GLTPD2: variants seen among roughly 807,000 people sequenced by gnomAD.
GLTPD2 encodes glycolipid transfer protein domain containing 2, also known as glycolipid transfer protein domain-containing protein 2.
Under a neutral mutation model 12.9 loss-of-function variants are expected in GLTPD2, and 12 were observed. The ratio of observed to expected loss-of-function variants is 0.93; its 90% CI spans 0.59 to 1.50. GLTPD2 has a LOEUF of 1.50. Ranked by LOEUF, GLTPD2 falls within the 40% of genes most tolerant of loss-of-function variation. The pLI, the probability that GLTPD2 is intolerant of heterozygous loss-of-function variation, is 0.00. For synonymous variants in GLTPD2, 199 were observed against 205.6 expected (o/e 0.97, Z 0.27); for missense variants, 450 against 426.2 (o/e 1.06, Z -0.49).
Position 4,789,278 on chromosome 17 carries a change from G to C in GLTPD2, c.159G>C (p.Thr53=), listed in dbSNP as rs751406985. 1.9e-6 allele frequency: 3 copies of C among 1,589,818 alleles called. No homozygotes were observed. The highest frequency in any genetic ancestry group is 4.5e-5 in the East Asian group (2 of 44,270). ...PRAQPCVPGE[T]APFQVRQESG... ...CGCAGCCCTGCGTTCCAGGGGAAAC[G>C]GCGCCCTTCCAGGTACGCTAGGCGC... is the stretch of plus-strand genomic sequence containing the variant. Residue 53 remains threonine (T), a synonymous_variant, in exon 2 of 4, where the codon ACG becomes ACC. Coordinates refer to ENST00000331264, the MANE Select transcript of GLTPD2 (RefSeq NM_001014985.3).
chr17:4,789,361 G>A, intron 2 of GLTPD2, 71 bp downstream of exon 2: 2 of 1,523,916 alleles, frequency 1.3e-6, no homozygotes, highest in Non-Finnish European at 8.8e-7. Context: ...GAGCCAGGCT[G>A]AGGGTCCGGC....
rs1389338846 is a variant in GLTPD2 at position 4,789,026 on chromosome 17, G to T, written c.15G>T (p.Ala5=). Residue 5 remains alanine (A), a synonymous_variant, in exon 1 of 4, where the codon GCG becomes GCT. Transcript: ENST00000331264. MGVA[A]RPPALRHWFS... is the part of the protein sequence containing the mutation. ...CAGCAGCAGGCATGGGAGTGGCGGCGCGGCCCCCAGCCCTGCGGCACTGGT... is the reference window on the plus strand; with the variant it reads ...CAGCAGCAGGCATGGGAGTGGCGGCTCGGCCCCCAGCCCTGCGGCACTGGT... 17 of 1,611,990 alleles carry T rather than the reference G, an allele frequency of 1.1e-5. No individual in the cohort carries two copies. Among genetic ancestry groups the T allele is most frequent in the Non-Finnish European group, 1.4e-5 (16 of 1,179,558 alleles).
chr17:4,789,856 G>C lies in GLTPD2; in HGVS notation c.436G>C (p.Glu146Gln). 1 of 1,600,924 alleles carries C rather than the reference G, an allele frequency of 6.2e-7. No homozygotes were observed. The highest frequency in any genetic ancestry group is 8.5e-7 in the Non-Finnish European group (1 of 1,174,450). ...GGCTCGGGTGCACGGCCCGGACGCG[G>C]AGCACTACTGGTCGCTGGTGGCCAT... The part of the protein sequence containing the change: ...LEARVHGPDA[E>Q]HYWSLVAMAA... The change falls in exon 4 of 4, where the codon GAG (glutamate) becomes CAG (glutamine). Residue 146 changes from glutamate to glutamine, a missense_variant. Physicochemically the swap from Glu to Gln is conservative, Grantham distance 29. Coordinates refer to ENST00000331264, the MANE Select transcript of GLTPD2 (RefSeq NM_001014985.3).
rs2150655921 is a variant in GLTPD2, at chr17:4,790,467, G to A, written c.*171G>A. 4.3e-6 allele frequency: 2 copies of A among 466,424 alleles called. No individual in the cohort carries two copies. Among genetic ancestry groups the A allele is most frequent in the East Asian group, 3.7e-5 (1 of 26,802 alleles). The allele number at this position is 466,424 out of a possible 1,614,324, so 28.9% of individuals were successfully genotyped here. A position where few individuals can be genotyped will look rare whatever the true frequency, so the allele number is the denominator to read the frequency against. On this transcript the variant is annotated 3_prime_UTR_variant, in exon 4 of 4. Coordinates refer to ENST00000331264, the MANE Select transcript of GLTPD2 (RefSeq NM_001014985.3). ...CAGGGAATGGCGTTGAGCTCCCTCT[G>A]TCCGCAGTCTCGGAAAGACGGGAGG...
In GLTPD2 at chr17:4,789,111, A is replaced by G. The variant is rs745777123; in HGVS notation, c.100A>G (p.Ser34Gly). 1.9e-6 allele frequency: 3 copies of G among 1,613,574 alleles called. No individual in the cohort carries two copies. Among genetic ancestry groups the G allele is most frequent in the African/African-American group, 2.7e-5 (2 of 74,872 alleles). ...ALLLLYLSVR[S>G]LGARSGCGPR... ...GCTGCTGCTTTATCTCAGTGTTCGG[A>G]GCCTAGGTGAGCTGCCCCTTCCCTC... The change falls in exon 1 of 4, where the codon AGC becomes GGC. Residue 34 changes from serine (S) to glycine (G), a missense_variant. Coordinates refer to ENST00000331264, the MANE Select transcript of GLTPD2 (RefSeq NM_001014985.3).
At position 4,789,922 on chromosome 17, in the gene GLTPD2, G is replaced by A. The variant is rs1181343883; in HGVS notation, c.502G>A (p.Gly168Arg). The A allele has an allele frequency of 2.6e-6, 4 of 1,545,368 alleles. No individual in the cohort carries two copies. Among genetic ancestry groups the A allele is most frequent in the Admixed American group, 4.0e-5 (2 of 50,324 alleles). ...GAGGGCGGGACTGCTGGAGCAGCCG[G>A]GGGCGGCCCCCCGGGACCCGACCCG... ...ERRAGLLEQP[G>R]AAPRDPTRSS... Residue 168 changes from glycine (G) to arginine (R), a missense_variant, in exon 4 of 4, where the codon GGG (glycine) becomes AGG (arginine). Coordinates refer to ENST00000331264, the MANE Select transcript of GLTPD2 (RefSeq NM_001014985.3).
chr17:4,790,308 C>T lies in GLTPD2; in HGVS notation c.*12C>T. 6.9e-7 allele frequency: 1 copy of T among 1,453,672 alleles called. No individual in the cohort carries two copies. The allele number at this position is 1,453,672 out of a possible 1,614,324, so 90.0% of individuals were successfully genotyped here. A position where few individuals can be genotyped will look rare whatever the true frequency, so the allele number is the denominator to read the frequency against. ...TCCAGCTGGCCTAAGACGGCGGCTG[C>T]GGGGACCGGCGGGAACGGAGCGGAC... On this transcript the variant is annotated 3_prime_UTR_variant, in exon 4 of 4. Transcript: ENST00000331264.
rs1415207230 is a variant in GLTPD2, at chr17:4,789,310, G to A, written c.171+20G>A. On this transcript the variant is annotated intron_variant, in intron 2 of 3. Coordinates refer to ENST00000331264, the MANE Select transcript of GLTPD2 (RefSeq NM_001014985.3). ...TTCCAGGTACGCTAGGCGCAGGATT[G>A]GGCGCGGGCGCTCCAGGAGGGACCA... is the stretch of plus-strand genomic sequence containing the variant. 1 of 1,558,844 alleles carries A rather than the reference G, an allele frequency of 6.4e-7. No individual in the cohort carries two copies. The highest frequency in any genetic ancestry group is 8.7e-7 in the Non-Finnish European group (1 of 1,153,862).
At chr17:4,789,404 C>G in intron 2 of GLTPD2, 107 bp from the exon 3 acceptor site, 2 of 1,512,636 alleles carry the variant, frequency 1.3e-6, no homozygotes, top group Non-Finnish European at 1.8e-6. Flanking sequence ...CTACCCTCTC[C>G]CGTCGGAAGC....
Position 4,789,264 on chromosome 17 carries a change from G to T in GLTPD2, c.145G>T (p.Val49Phe), listed in dbSNP as rs2304969. Residue 49 changes from valine (V) to phenylalanine (F), a missense_variant, in exon 2 of 4, where the codon GTT becomes TTT. Coordinates refer to ENST00000331264, the MANE Select transcript of GLTPD2 (RefSeq NM_001014985.3). Reference protein sequence around the residue: ...SGCGPRAQPCVPGETAPFQVR... With the variant: ...SGCGPRAQPCFPGETAPFQVR... ...CTGCGGACCCAGGGCGCAGCCCTGC[G>T]TTCCAGGGGAAACGGCGCCCTTCCA... 282,741 of 1,593,670 alleles carry T rather than the reference G, an allele frequency of 0.18. 30,568 individuals carry two copies. Among genetic ancestry groups the T allele is most frequent in the East Asian group, 0.47 (20,697 of 44,358 alleles).
chr17:4,790,392 T>C lies in GLTPD2; in HGVS notation c.*96T>C. On this transcript the variant is annotated 3_prime_UTR_variant, in exon 4 of 4. Transcript: ENST00000331264. Reference sequence around the variant, plus strand: ...TCCTGCAGCCCGCGCCGCGGCCGCCTCCGTATCCCGCCTCTTCCGTGACGT... The same window carrying C: ...TCCTGCAGCCCGCGCCGCGGCCGCCCCCGTATCCCGCCTCTTCCGTGACGT... 6.8e-6 allele frequency: 7 copies of C among 1,032,094 alleles called. No homozygotes were observed. The highest frequency in any genetic ancestry group is 8.9e-6 in the Non-Finnish European group (7 of 789,062). The allele number at this position is 1,032,094 out of a possible 1,614,324, so 63.9% of individuals were successfully genotyped here. A position where few individuals can be genotyped will look rare whatever the true frequency, so the allele number is the denominator to read the frequency against.
chr17:4,790,082 C>A lies in GLTPD2; in HGVS notation c.662C>A (p.Ala221Asp), dbSNP rs1259115690. The change falls in exon 4 of 4, where the codon GCC becomes GAC. Residue 221 changes from alanine to aspartate, a missense_variant. Physicochemically the swap from Ala to Asp is moderately radical, Grantham distance 126 (BLOSUM62 -2). Coordinates refer to ENST00000331264, the MANE Select transcript of GLTPD2 (RefSeq NM_001014985.3). ...GVQCSDAYRA[A>D]LGPHHPWLVR... is the part of the protein sequence containing the mutation. Reference sequence around the variant, plus strand: ...CAGTGCAGCGACGCCTACCGTGCGGCCCTGGGTCCGCATCACCCCTGGCTG... The same window carrying A: ...CAGTGCAGCGACGCCTACCGTGCGGACCTGGGTCCGCATCACCCCTGGCTG... The A allele has an allele frequency of 1.4e-6, 2 of 1,408,828 alleles. No individual in the cohort carries two copies. The highest frequency in any genetic ancestry group is 9.2e-7 in the Non-Finnish European group (1 of 1,092,544). The allele number at this position is 1,408,828 out of a possible 1,614,324, so 87.3% of individuals were successfully genotyped here. A position where few individuals can be genotyped will look rare whatever the true frequency, so the allele number is the denominator to read the frequency against.
Position 4,790,229 on chromosome 17 carries a change from C to T in GLTPD2, c.809C>T (p.Thr270Ile). 6.7e-7 allele frequency: 1 copy of T among 1,487,154 alleles called. No homozygotes were observed. Among genetic ancestry groups the T allele is most frequent in the Non-Finnish European group, 8.9e-7 (1 of 1,126,436 alleles). 92.1% of individuals were successfully genotyped at this position (1,487,154 alleles called of 1,614,324 possible). A position where few individuals can be genotyped will look rare whatever the true frequency, so the allele number is the denominator to read the frequency against. The change falls in exon 4 of 4, where the codon ACC (threonine) becomes ATC (isoleucine). Residue 270 changes from threonine to isoleucine, a missense_variant. Thr to Ile is a moderately conservative substitution (Grantham distance 89, BLOSUM62 -1). Coordinates refer to ENST00000331264, the MANE Select transcript of GLTPD2 (RefSeq NM_001014985.3). Reference sequence around the variant, plus strand: ...GCCGCGCTGGTCCGGGCCGCCGGCACCTTGGAGGATGTCTACAACCGCACC... The same window carrying T: ...GCCGCGCTGGTCCGGGCCGCCGGCATCTTGGAGGATGTCTACAACCGCACC... Reference protein sequence around the residue: ...ARAALVRAAGTLEDVYNRTQS... With the variant: ...ARAALVRAAGILEDVYNRTQS...
In GLTPD2 at chr17:4,789,045, C is replaced by G. The variant is rs368905121; in HGVS notation, c.34C>G (p.His12Asp). The G allele has an allele frequency of 6.2e-7, 1 of 1,613,694 alleles. No homozygotes were observed. The highest frequency in any genetic ancestry group is 2.2e-5 in the East Asian group (1 of 44,878). Reference protein sequence around the residue: ...GVAARPPALRHWFSHSIPLAI... With the variant: ...GVAARPPALRDWFSHSIPLAI... The stretch of plus-strand genomic sequence containing the variant: ...GGCGGCGCGGCCCCCAGCCCTGCGG[C>G]ACTGGTTCAGCCACTCAATTCCTCT... Residue 12 changes from histidine to aspartate, a missense_variant, in exon 1 of 4, where the codon CAC becomes GAC. Physicochemically the swap from His to Asp is moderately conservative, Grantham distance 81 (BLOSUM62 -1). Transcript: ENST00000331264.
At position 4,788,990 on chromosome 17, in the gene GLTPD2, G is replaced by A. The variant is rs750512919; in HGVS notation, c.-22G>A. 1.2e-6 allele frequency: 2 copies of A among 1,602,100 alleles called. No individual in the cohort carries two copies. Among genetic ancestry groups the A allele is most frequent in the East Asian group, 2.2e-5 (1 of 44,716 alleles). The stretch of plus-strand genomic sequence containing the variant: ...CGGACTGGCTAGGCGCTGGTGAGGG[G>A]GCGGCGGTCCCAGCAGCAGGCATGG... On this transcript the variant is annotated 5_prime_UTR_variant, in exon 1 of 4. Coordinates refer to ENST00000331264, the MANE Select transcript of GLTPD2 (RefSeq NM_001014985.3).
In GLTPD2 at chr17:4,789,530, C is replaced by T. The variant is rs779137924; in HGVS notation, c.191C>T (p.Thr64Ile). 3.1e-6 allele frequency: 5 copies of T among 1,613,938 alleles called. No homozygotes were observed. The highest frequency in any genetic ancestry group is 4.2e-6 in the Non-Finnish European group (5 of 1,179,882). The part of the protein sequence containing the change: ...APFQVRQESG[T>I]LEAPERKQPP... ...CACCAGGTCCGGCAGGAGTCGGGAA[C>T]CCTGGAGGCCCCGGAGAGGAAACAG... is the stretch of plus-strand genomic sequence containing the variant. The change falls in exon 3 of 4, where the codon ACC becomes ATC. Residue 64 changes from threonine (T) to isoleucine (I), a missense_variant. Physicochemically the swap from Thr to Ile is moderately conservative, Grantham distance 89 (BLOSUM62 -1). Coordinates refer to ENST00000331264, the MANE Select transcript of GLTPD2 (RefSeq NM_001014985.3).
Position 4,789,527 on chromosome 17 carries a change from G to A in GLTPD2, c.188G>A (p.Gly63Glu). ...TAPFQVRQES[G>E]TLEAPERKQP... The stretch of plus-strand genomic sequence containing the variant: ...CCCCACCAGGTCCGGCAGGAGTCGG[G>A]AACCCTGGAGGCCCCGGAGAGGAAA... The change falls in exon 3 of 4, where the codon GGA becomes GAA. Residue 63 changes from glycine to glutamate, a missense_variant. By Grantham distance (98) the Gly-to-Glu change is moderately conservative. Transcript: ENST00000331264. 1.9e-6 allele frequency: 3 copies of A among 1,613,942 alleles called. No homozygotes were observed. The South Asian group carries it at 3.3e-5, about 18-fold the overall frequency.
At chr17:4,789,712 C>T in intron 3 of GLTPD2, 35 bp downstream of exon 3, 1 of 1,612,628 alleles carries the variant, frequency 6.2e-7, no homozygotes, top group Non-Finnish European at 8.5e-7. Flanking sequence ...CGGTCCCCGC[C>T]TCCTTGGCGG....
At position 4,790,126 on chromosome 17, in the gene GLTPD2, C is replaced by A; in HGVS notation, c.706C>A (p.Leu236Ile). Residue 236 changes from leucine (L) to isoleucine (I), a missense_variant, in exon 4 of 4, where the codon CTC becomes ATC. By Grantham distance (5) the Leu-to-Ile change is conservative. Transcript: ENST00000331264. ...CTGGCTGGTCCGACAGACCGCCCGC[C>A]TCGCCTTCCTCGCCTTCCCGGGTCG... ...HPWLVRQTAR[L>I]AFLAFPGRRR... The A allele has an allele frequency of 6.9e-7, 1 of 1,451,046 alleles. No homozygotes were observed. The allele number at this position is 1,451,046 out of a possible 1,614,324, so 89.9% of individuals were successfully genotyped here.
Sources: allele counts gnomAD v4.1 joint callset, GRCh38; gene constraint gnomAD v4.1.1; transcripts MANE v1.5; gene names NCBI Gene and HGNC (gene_info 2026-07-23, HGNC 2026-07-21).